CXCL13: variants seen among roughly 807,000 people sequenced by gnomAD.
The protein encoded by CXCL13 is C-X-C motif chemokine ligand 13.
A neutral mutation model predicts 12.2 loss-of-function variants in CXCL13; 7 were observed. The ratio of observed to expected loss-of-function variants is 0.57; its 90% confidence interval spans 0.33 to 1.07. The LOEUF (loss-of-function observed/expected upper bound fraction) is 1.07, where lower values mean the gene tolerates loss of function less well. Ranked by LOEUF, CXCL13 falls within the 50% of genes least tolerant of loss-of-function variation. The pLI is 0.04. For synonymous variants in CXCL13, 47 were observed against 42.4 expected (o/e 1.11, Z -0.42); for missense variants, 113 against 127.4 (o/e 0.89, Z 0.55).
intron 1 of CXCL13, among the ~76,000 whole-genome samples, chr4:77,556,674 A>G (rs1187450505): frequency 6.6e-6 from 1 of 152,236 alleles, no homozygotes; most frequent in Non-Finnish European, 1.5e-5. Context: ...GAAATGGTTT[A>G]TATTTTCAAA....
intron 1 of CXCL13, among the ~76,000 whole-genome samples, chr4:77,578,296 G>A (rs1288397582): frequency 6.6e-6 from 1 of 152,152 alleles, no homozygotes; most frequent in African/African-American, 2.4e-5. Context: ...ACAGATGATG[G>A]CCCTGTTTGC....
chr4:77,563,173 C>T (rs1022355102), intron 1 of CXCL13, among the ~76,000 whole-genome samples: 2 of 152,072 alleles, frequency 1.3e-5, no homozygotes, highest in Non-Finnish European at 2.9e-5. Flanking sequence ...GAACAAACTC[C>T]GGACGCCCCT....
chr4:77,548,355 C>G (rs1725427076), intron 1 of CXCL13, among the ~76,000 whole-genome samples: 1 of 152,224 alleles, frequency 6.6e-6, no homozygotes, highest in Admixed American at 6.5e-5. Flanking sequence ...TTGAGTTGCA[C>G]TCATACTTTG....
At chr4:77,555,821 G>A (rs969727343) in intron 1 of CXCL13, among the ~76,000 whole-genome samples, 8 of 152,120 alleles carry the variant, frequency 5.3e-5, no homozygotes, top group Admixed American at 5.2e-4. Context: ...TAAGTCATTT[G>A]ACATTTTAAA....
At chr4:77,599,478 G>T (rs1171187135) in intron 1 of CXCL13, among the ~76,000 whole-genome samples, 1 of 152,222 alleles carries the variant, frequency 6.6e-6, no homozygotes, top group Non-Finnish European at 1.5e-5. Flanking sequence ...TTGATTCACA[G>T]TTGGTTGGAT....
intron 1 of CXCL13, among the ~76,000 whole-genome samples, chr4:77,563,649 G>A (rs1260668664): frequency 6.6e-6 from 1 of 152,128 alleles, no homozygotes; most frequent in Non-Finnish European, 1.5e-5. Context: ...AAGAATAGTG[G>A]GATCTTCTTA....
At chr4:77,518,996 G>C (rs1275222748) in intron 1 of CXCL13, among the ~76,000 whole-genome samples, 1 of 152,154 alleles carries the variant, frequency 6.6e-6, no homozygotes, top group African/African-American at 2.4e-5. Context: ...CTGTTTGTTA[G>C]TTTTCCTTCT....
chr4:77,601,147 T>C (rs1726874592), upstream of CXCL13, among the ~76,000 whole-genome samples: 1 of 152,220 alleles, frequency 6.6e-6, no homozygotes, highest in South Asian at 2.1e-4. Context: ...GTGGCTTCCC[T>C]GCATTTAAGT....
chr4:77,516,697 T>C (rs1724429682), intron 1 of CXCL13, among the ~76,000 whole-genome samples: 1 of 150,802 alleles, frequency 6.6e-6, no homozygotes, highest in Admixed American at 6.6e-5. Flanking sequence ...TTCTTCTCTC[T>C]TTTTTTTCTT....
chr4:77,525,917 TTTG>T lies in CXCL13; in HGVS notation c.-43+14132_-43+14134del, dbSNP rs1241153046. On this transcript the variant is annotated intron_variant, in intron 1 of 4. Transcript: ENST00000286758. The stretch of plus-strand genomic sequence containing the variant: ...AGGTAGGCTTTTTTTAAATTGTGGG[TTTG>T]TTTTTTTTTTATTATTTTTGCCTTC... Among the ~76,000 whole-genome samples, 969 of 134,950 alleles carry T rather than the reference TTTG, an allele frequency of 7.2e-3. 11 individuals carry two copies. Among genetic ancestry groups the T allele is most frequent in the South Asian group, 0.027 (122 of 4,476 alleles). The allele number at this position is 134,950 out of a possible 152,430, so 88.5% of individuals were successfully genotyped here.
intron 1 of CXCL13, among the ~76,000 whole-genome samples, chr4:77,518,547 A>G (rs1030009810): frequency 2.0e-5 from 3 of 151,838 alleles, no homozygotes; most frequent in Non-Finnish European, 4.4e-5. Context: ...CATTCATTTC[A>G]TCTTCCATTG....
rs1225824647 is a variant in CXCL13 at position 77,541,051 on chromosome 4, G to A, written c.-43+29263G>A. Among the ~76,000 whole-genome samples the A allele has an allele frequency of 2.6e-5, 4 of 152,020 alleles. 1 individual carries two copies. The highest frequency in any genetic ancestry group is 5.9e-5 in the Non-Finnish European group (4 of 67,968). On this transcript the variant is annotated intron_variant, in intron 1 of 4. Coordinates refer to the CXCL13 transcript ENST00000286758. ...TACGTTTGTTGGCTGCTTGTATGTTGTCTTTTGAGAAGTGTCTGTTCGTGT... is the reference window on the plus strand; with the variant it reads ...TACGTTTGTTGGCTGCTTGTATGTTATCTTTTGAGAAGTGTCTGTTCGTGT...
At chr4:77,519,361 C>G (rs1203746310) in intron 1 of CXCL13, among the ~76,000 whole-genome samples, 1 of 152,202 alleles carries the variant, frequency 6.6e-6, no homozygotes, top group Non-Finnish European at 1.5e-5. Context: ...TTCTGCGTCA[C>G]TCACGCTGGG....
At chr4:77,518,691 T>C (rs1011934274) in intron 1 of CXCL13, among the ~76,000 whole-genome samples, 2 of 152,176 alleles carry the variant, frequency 1.3e-5, no homozygotes, top group Admixed American at 6.5e-5. Context: ...TAGTTATACA[T>C]TCGTCTAAAT....
chr4:77,545,609 C>G (rs912913137), intron 1 of CXCL13, among the ~76,000 whole-genome samples: 1 of 152,168 alleles, frequency 6.6e-6, no homozygotes, highest in Admixed American at 6.5e-5. Context: ...TATCCTGAGA[C>G]TTTGCTGAAG....
At position 77,530,514 on chromosome 4, in the gene CXCL13, G is replaced by T. The variant is rs557091143; in HGVS notation, c.-43+18726G>T. 9.2e-5 allele frequency among the ~76,000 whole-genome samples: 14 copies of T among 152,260 alleles called. No individual in the cohort carries two copies. In the South Asian group the frequency reaches 1.7e-3, roughly 18 times the overall value. ...CTGGTTTAGTCTTGTGAGGGTGTAT[G>T]TGTTCAGGAATTTATCCATTTCGTC... On this transcript the variant is annotated intron_variant, in intron 1 of 4. Transcript: ENST00000286758.
At chr4:77,542,075 A>G (rs1725217712) in intron 1 of CXCL13, among the ~76,000 whole-genome samples, 1 of 151,998 alleles carries the variant, frequency 6.6e-6, no homozygotes, top group Non-Finnish European at 1.5e-5. Context: ...CTGAGATTTT[A>G]CTGAGGTCAT....
chr4:77,571,858 G>A (rs1480307355), intron 1 of CXCL13, among the ~76,000 whole-genome samples: 1 of 151,720 alleles, frequency 6.6e-6, no homozygotes, highest in African/African-American at 2.4e-5. Flanking sequence ...TCACCGCGAA[G>A]ATCTGCAGCT....
At chr4:77,564,937 C>T (rs1332096420) in intron 1 of CXCL13, among the ~76,000 whole-genome samples, 1 of 152,192 alleles carries the variant, frequency 6.6e-6, no homozygotes, top group Non-Finnish European at 1.5e-5. Flanking sequence ...CATAAACATC[C>T]ACAGACCTTG....
Sources: gnomAD v4.1 joint callset for allele counts (sites outside exome capture counted in the v4.1 genomes callset) on GRCh38, gnomAD v4.1.1 for gene constraint, MANE v1.5 for transcripts, NCBI Gene and HGNC (gene_info 2026-07-23, HGNC 2026-07-21) for gene names.